Variants in MVP observed in about 807,000 individuals in gnomAD.
MVP encodes major vault protein.
MVP carries 62 observed loss-of-function variants against 83.5 expected under a neutral mutation model. That is an observed-to-expected ratio of 0.74 (90% CI 0.61 to 0.92). The LOEUF (loss-of-function observed/expected upper bound fraction) is 0.92. Among genes scored for constraint, MVP ranks in the 40% least tolerant of loss-of-function variants. MVP has a pLI of 0.00. For synonymous variants in MVP, 505 were observed against 504.1 expected (o/e 1.00, Z -0.02); for missense variants, 1,000 against 1,203.4 (o/e 0.83, Z 2.50).
rs777085985 is a variant in MVP at position 29,835,692 on chromosome 16, C to T, written c.578-12C>T. 2 of 1,612,704 alleles carry T rather than the reference C, an allele frequency of 1.2e-6. No homozygotes were observed. The highest frequency in any genetic ancestry group is 1.7e-6 in the Non-Finnish European group (2 of 1,179,138). ...GGGGGCCCTTGTCCCTTACCCTCCA[C>T]TCTTGGCCCAGGGGAAGAATGGCTG... On this transcript the variant is annotated splice_polypyrimidine_tract_variant and intron_variant, in intron 5 of 14. Transcript: ENST00000357402.
At chr16:29,842,281 G>GT (rs1020934993) in intron 10 of MVP, among the ~76,000 whole-genome samples, 169 bp downstream of exon 10, 2 of 151,886 alleles carry the variant, frequency 1.3e-5, no homozygotes, top group African/African-American at 2.4e-5. Context: ...TTTGTTTTTT[G>GT]TTTTTTTAGT....
chr16:29,843,488 G>A (rs2067550764), intron 10 of MVP, among the ~76,000 whole-genome samples: 1 of 141,214 alleles, frequency 7.1e-6, no homozygotes, highest in South Asian at 2.3e-4. Context: ...GAGACCCACA[G>A]AGACCCTGTC....
At position 29,844,618 on chromosome 16, in the gene MVP, C is replaced by T. The variant is rs751962007; in HGVS notation, c.1760C>T (p.Thr587Ile). Residue 587 changes from threonine (T) to isoleucine (I), a missense_variant, in exon 11 of 15, where the codon ACT (threonine) becomes ATT (isoleucine). Coordinates refer to ENST00000357402, the MANE Select transcript of MVP (RefSeq NM_005115.5). ...SRVRGAVASV[T>I]FDDFHKNSAR... Reference sequence around the variant, plus strand: ...GTGCGGGGGGCCGTGGCCTCTGTCACTTTCGATGACTTCCATAAGAACTCA... The same window carrying T: ...GTGCGGGGGGCCGTGGCCTCTGTCATTTTCGATGACTTCCATAAGAACTCA... 3 of 1,614,106 alleles carry T rather than the reference C, an allele frequency of 1.9e-6. No homozygotes were observed. The highest frequency in any genetic ancestry group is 3.3e-5 in the Admixed American group (2 of 60,002).
chr16:29,838,104 C>T (rs991928764), intron 7 of MVP, among the ~76,000 whole-genome samples: 2 of 151,970 alleles, frequency 1.3e-5, no homozygotes, highest in African/African-American at 4.8e-5. Context: ...CTGCCATGCT[C>T]CTGGAATAGT....
chr16:29,830,947 G>GCA lies in MVP; in HGVS notation c.195_196insCA (p.Ser66HisfsTer59). 1 of 1,614,040 alleles carries GCA rather than the reference G, an allele frequency of 6.2e-7. No homozygotes were observed. Among genetic ancestry groups the GCA allele is most frequent in the East Asian group, 2.2e-5 (1 of 44,866 alleles). On this transcript the variant is annotated frameshift_variant, in exon 3 of 15. Transcript: ENST00000357402. LOFTEE classifies it high-confidence loss of function. The stretch of plus-strand genomic sequence containing the variant: ...ACTACTGCACAGTGGCCAACCCTGT[G>GCA]TCTCGGGATGCCCAGGGCTTGGTGC...
rs573656275 is a variant in MVP, at chr16:29,837,078, C to T, written c.909+120C>T. The T allele has an allele frequency of 4.4e-6, 4 of 906,754 alleles. No individual in the cohort carries two copies. In the Admixed American group the frequency reaches 8.7e-5, roughly 20 times the overall value. 56.2% of individuals were successfully genotyped at this position (906,754 alleles called of 1,614,324 possible). A position where few individuals can be genotyped will look rare whatever the true frequency, so the allele number is the denominator to read the frequency against. On this transcript the variant is annotated intron_variant, in intron 7 of 14. Coordinates refer to ENST00000357402, the MANE Select transcript of MVP (RefSeq NM_005115.5). ...TCTAGGAACACCTTCTGTGCCTTTG[C>T]ATGCTTAGTTCTTACACACCTGAGA...
In MVP at chr16:29,830,592, T is replaced by C; in HGVS notation, c.43T>C (p.Tyr15His). ...CATCATCCGCATCCCCCCATACCAC[T>C]ATATCCATGTGCTGGACCAGAACAG... ...EFIIRIPPYHYIHVLDQNSNV... is the reference protein window; with the variant it reads ...EFIIRIPPYHHIHVLDQNSNV... Residue 15 changes from tyrosine (Y) to histidine (H), a missense_variant, in exon 2 of 15, where the codon TAT (tyrosine) becomes CAT (histidine). Physicochemically the swap from Tyr to His is moderately conservative, Grantham distance 83. Coordinates refer to ENST00000357402, the MANE Select transcript of MVP (RefSeq NM_005115.5). The C allele has an allele frequency of 3.7e-6, 6 of 1,613,906 alleles. No homozygotes were observed. Among genetic ancestry groups the C allele is most frequent in the Non-Finnish European group, 5.1e-6 (6 of 1,179,938 alleles).
intron 4 of MVP, 37 bp from the exon 5 acceptor site, chr16:29,833,898 G>C (rs764802699): frequency 6.2e-7 from 1 of 1,614,114 alleles, no homozygotes; most frequent in Non-Finnish European, 8.5e-7. Context: ...TCCTGTCATA[G>C]CCCTGATACC....
At chr16:29,824,198 C>T (rs936123401) in intron 1 of MVP, among the ~76,000 whole-genome samples, 5 of 102,986 alleles carry the variant, frequency 4.9e-5, no homozygotes, top group South Asian at 3.1e-4. Flanking sequence ...GCAACAAGCA[C>T]GAAACTCCAT....
intron 6 of MVP, 146 bp from the exon 7 acceptor site, chr16:29,836,576 T>TAAAA: frequency 1.6e-6 from 1 of 635,740 alleles, no homozygotes; most frequent in Non-Finnish European, 2.5e-6. Context: ...AGACTCCGAT[T>TAAAA]TAAAAAAAAA....
At chr16:29,837,588 T>C (rs887627396) in intron 7 of MVP, among the ~76,000 whole-genome samples, 4 of 152,142 alleles carry the variant, frequency 2.6e-5, no homozygotes, top group Non-Finnish European at 4.4e-5. Flanking sequence ...ACCCTGTCTC[T>C]ACTAAAAATA....
At chr16:29,826,486 G>A in intron 1 of MVP, among the ~76,000 whole-genome samples, 1 of 152,062 alleles carries the variant, frequency 6.6e-6, no homozygotes, top group Non-Finnish European at 1.5e-5. Flanking sequence ...AATTAGCTAG[G>A]TGTGGCAGTA....
rs768941467 is a variant in MVP at position 29,841,900 on chromosome 16, C to T, written c.1437-15C>T. On this transcript the variant is annotated splice_polypyrimidine_tract_variant and intron_variant, in intron 9 of 14. Transcript: ENST00000357402. The surrounding 1 kb of genome is among the most constrained non-coding windows in gnomAD (Gnocchi z 4.7). ...TCTCCATGGGTCTGGCTCTGACCCTCGGCTGTCTCTGCAGCGTGGTCTTCG... is the reference window on the plus strand; with the variant it reads ...TCTCCATGGGTCTGGCTCTGACCCTTGGCTGTCTCTGCAGCGTGGTCTTCG... 18 of 1,611,158 alleles carry T rather than the reference C, an allele frequency of 1.1e-5. No homozygotes were observed. Among genetic ancestry groups the T allele is most frequent in the African/African-American group, 4.0e-5 (3 of 74,874 alleles).
rs1208679735 is a variant in MVP at position 29,841,880 on chromosome 16, A to G, written c.1437-35A>G. 12 of 1,609,460 alleles carry G rather than the reference A, an allele frequency of 7.5e-6. No individual in the cohort carries two copies. In the African/African-American group the frequency reaches 8.0e-5, roughly 11 times the overall value. On this transcript the variant is annotated intron_variant, in intron 9 of 14. Transcript: ENST00000357402. This position sits in a 1 kb window ranked among gnomAD's most constrained non-coding sequence, Gnocchi z 4.7. ...CGCAGGGTGTAGGGGGTGGCTCTCC[A>G]TGGGTCTGGCTCTGACCCTCGGCTG...
chr16:29,830,951 C>T lies in MVP; in HGVS notation c.199C>T (p.Arg67Trp), dbSNP rs746545141. ...HYCTVANPVS[R>W]DAQGLVLFDV... is the part of the protein sequence containing the mutation. ...CTGCACAGTGGCCAACCCTGTGTCT[C>T]GGGATGCCCAGGGCTTGGTGCTGTT... Residue 67 changes from arginine (R) to tryptophan (W), a missense_variant, in exon 3 of 15, where the codon CGG becomes TGG. Arg to Trp is a moderately radical substitution (Grantham distance 101). Coordinates refer to ENST00000357402, the MANE Select transcript of MVP (RefSeq NM_005115.5). 1.9e-5 allele frequency: 31 copies of T among 1,613,912 alleles called. No individual in the cohort carries two copies. The highest frequency in any genetic ancestry group is 2.7e-5 in the African/African-American group (2 of 74,868).
chr16:29,832,714 C>G (rs888725984), intron 3 of MVP, among the ~76,000 whole-genome samples: 8 of 150,768 alleles, frequency 5.3e-5, no homozygotes, highest in African/African-American at 1.7e-4. Flanking sequence ...CCACCTCATT[C>G]TCCCAAAATG....
chr16:29,835,919 A>G, intron 6 of MVP, 121 bp downstream of exon 6: 1 of 790,250 alleles, frequency 1.3e-6, no homozygotes, highest in Non-Finnish European at 2.1e-6. Flanking sequence ...GGTCACTTAA[A>G]AAAATTCAGA....
intron 12 of MVP, 47 bp from the exon 13 acceptor site, chr16:29,846,111 G>A (rs1484029777): frequency 6.2e-7 from 1 of 1,600,268 alleles, no homozygotes; most frequent in Non-Finnish European, 8.5e-7. Flanking sequence ...GGCCGTGGGG[G>A]GACTGGGCTG....
Position 29,830,508 on chromosome 16 carries a change from C to G in MVP, c.-35-7C>G. On this transcript the variant is annotated splice_region_variant and splice_polypyrimidine_tract_variant and intron_variant, in intron 1 of 14. Coordinates refer to ENST00000357402, the MANE Select transcript of MVP (RefSeq NM_005115.5). Reference sequence around the variant, plus strand: ...GTTCATCCTGTGTCGTCTCCCCCACCTACCAGTCATCTTCTTGTGAGCCCT... The same window carrying G: ...GTTCATCCTGTGTCGTCTCCCCCACGTACCAGTCATCTTCTTGTGAGCCCT... 1 of 1,607,474 alleles carries G rather than the reference C, an allele frequency of 6.2e-7. No individual in the cohort carries two copies. The highest frequency in any genetic ancestry group is 8.5e-7 in the Non-Finnish European group (1 of 1,176,226).
Sources: gnomAD v4.1 joint callset for allele counts (sites outside exome capture counted in the v4.1 genomes callset) on GRCh38, gnomAD v4.1.1 for gene constraint, Gnocchi (gnomAD v3.1) non-coding constraint, MANE v1.5 for transcripts, NCBI Gene and HGNC (gene_info 2026-07-23, HGNC 2026-07-21) for gene names.